The following LPO variants were observed in gnomAD, a reference collection of about 807,000 sequenced individuals.
The protein encoded by LPO is salivary peroxidase.
A neutral mutation model predicts 68.4 loss-of-function variants in LPO; 70 were observed. The observed-to-expected ratio is 1.02, with a 90% CI of 0.84 to 1.25. The LOEUF (loss-of-function observed/expected upper bound fraction) is 1.25, where lower values mean the gene tolerates loss of function less well. Among genes scored for constraint, LPO ranks in the 50% most tolerant of loss-of-function variants. The probability of loss-of-function intolerance (pLI) is 0.00; values close to 1 mark genes in which losing one functional copy is unlikely to be tolerated. For synonymous variants in LPO, 360 were observed against 357.6 expected (o/e 1.01, Z -0.08); for missense variants, 873 against 908.4 (o/e 0.96, Z 0.50).
intron 9 of LPO, among the ~76,000 whole-genome samples, chr17:58,259,826 G>A (rs564982290): frequency 6.6e-6 from 1 of 152,164 alleles, no homozygotes; most frequent in South Asian, 2.1e-4. Flanking sequence ...TTTTCATTTT[G>A]TTTTGTTTTG....
intron 9 of LPO, among the ~76,000 whole-genome samples, chr17:58,257,293 T>A (rs1189398184): frequency 2.0e-5 from 3 of 152,124 alleles, no homozygotes; most frequent in Non-Finnish European, 4.4e-5. Context: ...CAGCCCCTCA[T>A]TACCCTTCCA....
At chr17:58,249,314 C>T (rs1359111248) in intron 5 of LPO, 137 bp downstream of exon 5, 1 of 891,962 alleles carries the variant, frequency 1.1e-6, no homozygotes, top group Non-Finnish European at 1.7e-6. Flanking sequence ...CCTTCCCCAC[C>T]TTCTCAAGAT....
intron 8 of LPO, 183 bp from the exon 9 acceptor site, chr17:58,254,628 G>A: frequency 1.7e-6 from 1 of 578,108 alleles, no homozygotes; most frequent in Non-Finnish European, 3.0e-6. Context: ...ATATAGAACT[G>A]AGAGTCAAAC....
At chr17:58,246,472 C>A (rs1969853538) in intron 3 of LPO, among the ~76,000 whole-genome samples, 1 of 152,154 alleles carries the variant, frequency 6.6e-6, no homozygotes, top group Admixed American at 6.5e-5. Flanking sequence ...CAAAGAGGTC[C>A]TTCCAAGACC....
intron 8 of LPO, 104 bp from the exon 9 acceptor site, chr17:58,254,707 G>T (rs7212017): frequency 2.7e-6 from 3 of 1,119,134 alleles, no homozygotes; most frequent in East Asian, 5.0e-5. Flanking sequence ...ACGGGGCGGG[G>T]GGGGCGGGGC....
chr17:58,254,106 T>C (rs1435084358), intron 8 of LPO, among the ~76,000 whole-genome samples: 1 of 149,988 alleles, frequency 6.7e-6, no homozygotes, highest in African/African-American at 2.5e-5. Context: ...AGCAAGACTG[T>C]CCAGATAGAT....
chr17:58,260,269 C>T (rs1395071332), intron 9 of LPO, among the ~76,000 whole-genome samples: 1 of 152,180 alleles, frequency 6.6e-6, no homozygotes, highest in Non-Finnish European at 1.5e-5. Context: ...AGGCATTCTG[C>T]TGTAGATTAC....
At chr17:58,242,530 C>T (rs1016997567) in intron 1 of LPO, among the ~76,000 whole-genome samples, 2 of 152,180 alleles carry the variant, frequency 1.3e-5, no homozygotes, top group African/African-American at 4.8e-5. Context: ...AACTCAAAGG[C>T]AGGCTCCAGC....
chr17:58,267,950 A>G lies in LPO; in HGVS notation c.2095A>G (p.Ile699Val), dbSNP rs1970307074. The G allele has an allele frequency of 3.1e-6, 5 of 1,614,076 alleles. No homozygotes were observed. The highest frequency in any genetic ancestry group is 4.2e-6 in the Non-Finnish European group (5 of 1,180,014). Residue 699 changes from isoleucine to valine, a missense_variant, in exon 13 of 13, where the codon ATC becomes GTC. Physicochemically the swap from Ile to Val is conservative, Grantham distance 29. Transcript: ENST00000262290. ...YPYDFVDCSA[I>V]DKLDLSPWAS... ...CTATGACTTCGTGGATTGCTCAGCC[A>G]TCGACAAGCTGGACCTGTCACCCTG...
In LPO at chr17:58,250,633, C is replaced by T. The variant is rs749867897; in HGVS notation, c.780+12C>T. The T allele has an allele frequency of 1.9e-6, 3 of 1,613,100 alleles. No homozygotes were observed. The Admixed American group carries it at 5.0e-5, about 27-fold the overall frequency. ...GCTTCCCCATCATGGTACGGCCCTG[C>T]AGCTAGGCATCTCTGACTAGCCCCT... On this transcript the variant is annotated intron_variant, in intron 7 of 12. Transcript: ENST00000262290.
chr17:58,239,679 C>A (rs530916869), intron 1 of LPO, among the ~76,000 whole-genome samples: 1 of 152,032 alleles, frequency 6.6e-6, no homozygotes, highest in Non-Finnish European at 1.5e-5. Flanking sequence ...GACTGCTCAG[C>A]GACATTGAGA....
At chr17:58,264,026 A>T (rs1332878415) in intron 9 of LPO, among the ~76,000 whole-genome samples, 2 of 152,152 alleles carry the variant, frequency 1.3e-5, no homozygotes, top group Non-Finnish European at 2.9e-5. Flanking sequence ...CTGGGTTAAG[A>T]GCAAAGAGAC....
intron 6 of LPO, 34 bp from the exon 7 acceptor site, chr17:58,250,381 C>G: frequency 6.4e-7 from 1 of 1,570,622 alleles, no homozygotes; most frequent in Non-Finnish European, 8.8e-7. Context: ...ACTTTTTCCT[C>G]TAATCTGCCC....
intron 4 of LPO, among the ~76,000 whole-genome samples, chr17:58,248,654 A>T (rs8178326): frequency 0.055 from 8,432 of 152,186 alleles, 272 homozygotes; most frequent in East Asian, 0.1. Flanking sequence ...TTCAGATGTG[A>T]ACGAAGCTTT....
At chr17:58,261,090 G>A (rs1347881804) in intron 9 of LPO, among the ~76,000 whole-genome samples, 1 of 152,164 alleles carries the variant, frequency 6.6e-6, no homozygotes, top group Non-Finnish European at 1.5e-5. Context: ...AAAAGAATGT[G>A]TATTCTGCTG....
At chr17:58,239,090 GA>G (rs1969709972) in intron 1 of LPO, among the ~76,000 whole-genome samples, 1 of 151,960 alleles carries the variant, frequency 6.6e-6, no homozygotes, top group South Asian at 2.1e-4. Flanking sequence ...GAATTTGGGG[GA>G]AAACAGTGAC....
chr17:58,252,085 C>T lies in LPO; in HGVS notation c.781-97C>T, dbSNP rs888010589. On this transcript the variant is annotated intron_variant, in intron 7 of 12. Transcript: ENST00000262290. ...TGGTACCAGGGTCCTAGGAGGGTGC[C>T]ATCAGCATCTTTGCATCCAGACTTG... is the stretch of plus-strand genomic sequence containing the variant. The T allele has an allele frequency of 1.2e-5, 13 of 1,107,326 alleles. No homozygotes were observed. The African/African-American group carries it at 2.0e-4, about 17-fold the overall frequency. 68.6% of individuals were successfully genotyped at this position (1,107,326 alleles called of 1,614,324 possible). A position where few individuals can be genotyped will look rare whatever the true frequency, so the allele number is the denominator to read the frequency against.
At chr17:58,256,990 CTTTTT>C (rs1040765289) in intron 9 of LPO, among the ~76,000 whole-genome samples, 1 of 75,040 alleles carries the variant, frequency 1.3e-5, no homozygotes, top group Non-Finnish European at 2.4e-5. Flanking sequence ...AGGTCTTACT[CTTTTT>C]TTTTTTTTTT....
Position 58,264,656 on chromosome 17 carries a change from C to T in LPO, c.1267-66C>T, listed in dbSNP as rs1475999258. ...ATCACTCTTGGCTGCAGCTCTTTCA[C>T]AGCCTCCCTCTGCAGAGGTTTAAAC... On this transcript the variant is annotated intron_variant, in intron 9 of 12. Transcript: ENST00000262290. 3.2e-6 allele frequency: 5 copies of T among 1,565,266 alleles called. No homozygotes were observed. In the Admixed American group the frequency reaches 5.1e-5, roughly 16 times the overall value.
Sources: gnomAD v4.1 joint callset for allele counts (sites outside exome capture counted in the v4.1 genomes callset) on GRCh38, gnomAD v4.1.1 for gene constraint, MANE v1.5 for transcripts, NCBI Gene and HGNC (gene_info 2026-07-23, HGNC 2026-07-21) for gene names.